Variants in SH3KBP1 observed in about 807,000 individuals in gnomAD.
SH3KBP1 encodes the protein SH3 domain-containing kinase-binding protein 1.
In SH3KBP1, 8 loss-of-function variants were observed where a neutral mutation model predicts 50.1. The observed-to-expected ratio is 0.16, with a 90% CI of 0.09 to 0.29. SH3KBP1 has a LOEUF of 0.29. Among genes scored for constraint, SH3KBP1 ranks in the 10% least tolerant of loss-of-function variants. The probability of loss-of-function intolerance (pLI) is 1.00; values close to 1 mark genes in which losing one functional copy is unlikely to be tolerated. For missense variants in SH3KBP1, 377 were observed against 535.2 expected, an observed-to-expected ratio of 0.70 and a Z score of 2.92; for synonymous variants, 227 against 218.6, an observed-to-expected ratio of 1.04 and a Z score of -0.34.
At chrX:19,757,673 C>T (rs910843355) in intron 2 of SH3KBP1, among the ~76,000 whole-genome samples, 2 of 110,287 alleles carry the variant, frequency 1.8e-5, no homozygotes, top group South Asian at 7.8e-4. Context: ...CCCACCCTTT[C>T]GCCTTTAAAT....
chrX:19,877,512 G>T (rs916051706), intron 1 of SH3KBP1, among the ~76,000 whole-genome samples: 2 of 111,777 alleles, frequency 1.8e-5, no homozygotes, highest in Non-Finnish European at 3.8e-5. Flanking sequence ...AATTAGACAG[G>T]ACACTAAGCT....
intron 4 of SH3KBP1, among the ~76,000 whole-genome samples, chrX:19,702,846 A>T (rs1411628490): frequency 1.8e-5 from 2 of 112,247 alleles, no homozygotes; most frequent in Non-Finnish European, 3.8e-5. Context: ...CTCAGGATAA[A>T]AATGACCCAG....
chrX:19,558,309 T>C (rs192784087), intron 13 of SH3KBP1, among the ~76,000 whole-genome samples: 79 of 112,584 alleles, frequency 7.0e-4, no homozygotes, highest in Non-Finnish European at 1.1e-3. Context: ...GAAGCCAGTG[T>C]ACTTGCTAAA....
chrX:19,617,309 T>C (rs1459471459), intron 8 of SH3KBP1, among the ~76,000 whole-genome samples: 3 of 112,655 alleles, frequency 2.7e-5, no homozygotes, highest in Non-Finnish European at 3.8e-5. Flanking sequence ...GAGTTGTCTA[T>C]GACAGGAAGG....
At chrX:19,730,710 G>C (rs1477939212) in intron 3 of SH3KBP1, among the ~76,000 whole-genome samples, 1 of 111,196 alleles carries the variant, frequency 9.0e-6, no homozygotes, top group Non-Finnish European at 1.9e-5. Context: ...CATAATACTA[G>C]GTTCCTGACA....
At chrX:19,575,049 C>G (rs910746489) in intron 12 of SH3KBP1, among the ~76,000 whole-genome samples, 1 of 112,374 alleles carries the variant, frequency 8.9e-6, no homozygotes, top group African/African-American at 3.2e-5. Flanking sequence ...TACAACATCC[C>G]TGTTTGAGAA....
intron 2 of SH3KBP1, among the ~76,000 whole-genome samples, chrX:19,834,129 A>G (rs1163143169): frequency 8.9e-6 from 1 of 112,398 alleles, no homozygotes; most frequent in Non-Finnish European, 1.9e-5. Context: ...CTGAGACAAG[A>G]TCCTAAAGAA....
intron 3 of SH3KBP1, among the ~76,000 whole-genome samples, chrX:19,734,269 A>G (rs2064469467): frequency 8.9e-6 from 1 of 111,912 alleles, no homozygotes; most frequent in Non-Finnish European, 1.9e-5. Flanking sequence ...TCGATTATCT[A>G]ATATTTGGGT....
chrX:19,588,152 G>A, intron 12 of SH3KBP1: 1 of 272,877 alleles, frequency 3.7e-6, no homozygotes. Context: ...GACGTTCCTG[G>A]CTCGGGGTTC....
At chrX:19,750,147 C>T (rs1450021294) in intron 2 of SH3KBP1, among the ~76,000 whole-genome samples, 1 of 111,670 alleles carries the variant, frequency 9.0e-6, no homozygotes, top group East Asian at 2.8e-4. Flanking sequence ...GCAACCTCCA[C>T]TTCCGGGTTC....
At chrX:19,654,788 AGAT>A (rs1257619371) in intron 6 of SH3KBP1, among the ~76,000 whole-genome samples, 4 of 111,955 alleles carry the variant, frequency 3.6e-5, no homozygotes, top group African/African-American at 9.7e-5. Flanking sequence ...GGAGAGAGAA[AGAT>A]GATATGGCTG....
intron 9 of SH3KBP1, among the ~76,000 whole-genome samples, chrX:19,605,384 T>A (rs1306996396): frequency 9.0e-6 from 1 of 111,581 alleles, no homozygotes; most frequent in Non-Finnish European, 1.9e-5. Context: ...ATTTTATCTG[T>A]CAATTAAAAA....
intron 6 of SH3KBP1, among the ~76,000 whole-genome samples, chrX:19,659,040 T>C (rs1045414344): frequency 9.3e-6 from 1 of 107,638 alleles, no homozygotes; most frequent in Non-Finnish European, 1.9e-5. Flanking sequence ...ACCGCAGCCT[T>C]GACCTCCTGG....
chrX:19,741,930 G>A (rs1377549671), intron 3 of SH3KBP1, among the ~76,000 whole-genome samples: 2 of 111,329 alleles, frequency 1.8e-5, no homozygotes, highest in Non-Finnish European at 3.8e-5. Context: ...TCAGAGAGAG[G>A]CAGAGATACA....
intron 2 of SH3KBP1, among the ~76,000 whole-genome samples, chrX:19,758,384 T>C (rs183397997): frequency 1.9e-4 from 18 of 93,842 alleles, no homozygotes; most frequent in Admixed American, 1.1e-3. Context: ...ACTAAGGGCA[T>C]GACAATCAAG....
In SH3KBP1 at chrX:19,631,936, T is replaced by C. The variant is rs1346742835; in HGVS notation, c.825A>G (p.Ile275Met). The C allele has an allele frequency of 8.4e-7, 1 of 1,189,414 alleles. No homozygotes were observed. Among genetic ancestry groups the C allele is most frequent in the Non-Finnish European group, 1.1e-6 (1 of 877,419 alleles). The change falls in exon 8 of 18, where the codon ATA (isoleucine) becomes ATG (methionine). Residue 275 changes from isoleucine to methionine, a missense_variant. Physicochemically the swap from Ile to Met is conservative, Grantham distance 10 (BLOSUM62 1). Transcript: ENST00000397821. Reference protein sequence around the residue: ...RTKSKDYCKVIFPYEAQNDDE... With the variant: ...RTKSKDYCKVMFPYEAQNDDE... ...CATCATTCTGTGCCTCATATGGAAA[T>C]ATTACTTTGCAGTAATCCTTGCCTA...
At chrX:19,836,767 C>T (rs889122655) in intron 1 of SH3KBP1, among the ~76,000 whole-genome samples, 1 of 111,919 alleles carries the variant, frequency 8.9e-6, no homozygotes, top group Non-Finnish European at 1.9e-5. Context: ...CAAATCTCAC[C>T]TTGAATTGTA....
At chrX:19,878,520 G>C (rs1236538211) in intron 1 of SH3KBP1, among the ~76,000 whole-genome samples, 1 of 104,351 alleles carries the variant, frequency 9.6e-6, no homozygotes, top group Non-Finnish European at 2.0e-5. Flanking sequence ...GAGAGAGAGA[G>C]AGAGAGAGAG....
At chrX:19,592,866 C>T (rs1047421833) in intron 10 of SH3KBP1, among the ~76,000 whole-genome samples, 4 of 112,246 alleles carry the variant, frequency 3.6e-5, no homozygotes, top group African/African-American at 1.3e-4. Context: ...GAGCCAGACA[C>T]GTGAGGGAAA....
Sources: allele counts gnomAD v4.1 joint callset (sites outside exome capture counted in the v4.1 genomes callset), GRCh38; gene constraint gnomAD v4.1.1; transcripts MANE v1.5; gene names NCBI Gene and HGNC (gene_info 2026-07-23, HGNC 2026-07-21).